The following PDE8B variants were observed in gnomAD, a reference collection of about 807,000 sequenced individuals.
The protein encoded by PDE8B is phosphodiesterase 8B, also known as high affinity cAMP-specific and IBMX-insensitive 3',5'-cyclic phosphodiesterase 8B.
A neutral mutation model predicts 101.3 loss-of-function variants in PDE8B; 26 were observed. The ratio of observed to expected loss-of-function variants is 0.26; its 90% CI spans 0.19 to 0.36. PDE8B has a LOEUF of 0.36. Ranked by LOEUF, PDE8B falls within the 10% of genes least tolerant of loss-of-function variation. PDE8B has a pLI of 1.00. For missense variants in PDE8B, 810 were observed against 1,163.1 expected, an observed-to-expected ratio of 0.70 and a Z score of 4.42; for synonymous variants, 424 against 429.3, an observed-to-expected ratio of 0.99 and a Z score of 0.15.
the PDE8B span, among the ~76,000 whole-genome samples, chr5:77,099,321 A>G: frequency 6.6e-6 from 1 of 152,236 alleles, no homozygotes; most frequent in East Asian, 1.9e-4. Flanking sequence ...GAAAAAGTAC[A>G]GACTAGAGCT....
the PDE8B span, among the ~76,000 whole-genome samples, chr5:77,102,012 T>C: frequency 2.0e-5 from 3 of 152,144 alleles, no homozygotes; most frequent in African/African-American, 7.2e-5. Flanking sequence ...AAAAGGTAAA[T>C]TTTATTTTAT....
chr5:77,282,703 C>T (rs531272534), intron 1 of PDE8B, among the ~76,000 whole-genome samples: 2 of 152,044 alleles, frequency 1.3e-5, no homozygotes, highest in African/African-American at 2.4e-5. Context: ...CCTCTTCTTC[C>T]GACAGCGAAT....
intron 1 of PDE8B, among the ~76,000 whole-genome samples, chr5:77,308,106 G>T (rs1462544457): frequency 1.3e-5 from 2 of 152,344 alleles, no homozygotes; most frequent in Admixed American, 6.5e-5. Context: ...TCTGCAAACT[G>T]CCGTCTGTGA....
At chr5:77,243,617 C>T (rs1756234046) in intron 1 of PDE8B, among the ~76,000 whole-genome samples, 1 of 151,802 alleles carries the variant, frequency 6.6e-6, no homozygotes, top group Non-Finnish European at 1.5e-5. Context: ...TCTTTTTTGC[C>T]TGAGTTCTTT....
At chr5:77,143,503 A>G in the PDE8B span, among the ~76,000 whole-genome samples, 2 of 152,224 alleles carry the variant, frequency 1.3e-5, no homozygotes, top group Non-Finnish European at 2.9e-5. Context: ...AATATCAGTC[A>G]TTAAAACATA....
At chr5:77,097,707 C>CTATATATATATAGA in the PDE8B span, among the ~76,000 whole-genome samples, 1 of 20,946 alleles carries the variant, frequency 4.8e-5, no homozygotes, top group African/African-American at 1.3e-4. Context: ...ATATATATAT[C>CTATATATATATAGA]TATATATATA....
At chr5:77,152,339 A>T in the PDE8B span, among the ~76,000 whole-genome samples, 1 of 152,198 alleles carries the variant, frequency 6.6e-6, no homozygotes, top group Non-Finnish European at 1.5e-5. Flanking sequence ...ATTTTTTATC[A>T]ACTGAAAATG....
At chr5:77,294,066 A>AT (rs1767976726) in intron 1 of PDE8B, among the ~76,000 whole-genome samples, 1 of 152,006 alleles carries the variant, frequency 6.6e-6, no homozygotes, top group Non-Finnish European at 1.5e-5. Flanking sequence ...CCAATTTACT[A>AT]TTTTTTTCTT....
At chr5:77,290,407 A>C (rs1580819720) in intron 1 of PDE8B, 1 of 1,399,524 alleles carries the variant, frequency 7.1e-7, no homozygotes, top group Non-Finnish European at 1.0e-6. Context: ...GCTAACAACT[A>C]GCCAATAGCA....
chr5:77,368,691 G>A (rs1784548973), intron 10 of PDE8B, among the ~76,000 whole-genome samples: 1 of 152,142 alleles, frequency 6.6e-6, no homozygotes, highest in Non-Finnish European at 1.5e-5. Flanking sequence ...AATACATTCA[G>A]ACTAAATTAG....
chr5:77,338,209 T>C (rs181580951), intron 6 of PDE8B, among the ~76,000 whole-genome samples: 132 of 152,340 alleles, frequency 8.7e-4, no homozygotes, highest in Non-Finnish European at 1.1e-3. Flanking sequence ...CATCCTATTA[T>C]AGTAATTATA....
At chr5:77,226,215 A>G (rs1414797999) in intron 1 of PDE8B, among the ~76,000 whole-genome samples, 2 of 147,830 alleles carry the variant, frequency 1.4e-5, no homozygotes, top group Admixed American at 6.7e-5. Context: ...ATTCAGAGAC[A>G]TTTAGATTTT....
At chr5:77,290,574 T>G in intron 1 of PDE8B, 1 of 1,500,836 alleles carries the variant, frequency 6.7e-7, no homozygotes, top group South Asian at 1.1e-5. Flanking sequence ...ACTAGGAAGC[T>G]TGGTGTCTTT....
chr5:77,260,492 T>C (rs2859576), intron 1 of PDE8B, among the ~76,000 whole-genome samples: 19,375 of 151,982 alleles, frequency 0.13, 1,601 homozygotes, highest in East Asian at 0.46. Context: ...AGCAAATATA[T>C]CCATAGACAT....
At chr5:77,187,843 G>A in the PDE8B span, among the ~76,000 whole-genome samples, 34 of 152,248 alleles carry the variant, frequency 2.2e-4, no homozygotes, top group Non-Finnish European at 4.4e-4. Context: ...TCTAGCATAC[G>A]TGGCCAGCCA....
In PDE8B at chr5:77,323,466, T is replaced by G. The variant is rs189824595; in HGVS notation, c.400-2073T>G. Among the ~76,000 whole-genome samples the G allele has an allele frequency of 3.9e-5, 6 of 152,350 alleles. No homozygotes were observed. In the East Asian group the frequency reaches 1.2e-3, roughly 29 times the overall value. Reference sequence around the variant, plus strand: ...TGGTTTGTTCTTTTTAAAAAATCTTTATCTTTCACAGATGCATATGGATGA... The same window carrying G: ...TGGTTTGTTCTTTTTAAAAAATCTTGATCTTTCACAGATGCATATGGATGA... On this transcript the variant is annotated intron_variant, in intron 2 of 21. Transcript: ENST00000264917.
the PDE8B span, among the ~76,000 whole-genome samples, chr5:77,152,914 C>A: frequency 6.6e-6 from 1 of 152,116 alleles, no homozygotes; most frequent in East Asian, 1.9e-4. Context: ...AGAAGGGAGC[C>A]TTTCCCAGTG....
intron 15 of PDE8B, 124 bp downstream of exon 15, chr5:77,411,845 A>G (rs886906512): frequency 9.9e-6 from 8 of 808,230 alleles, no homozygotes; most frequent in African/African-American, 6.9e-5. Context: ...AAGCATCAAT[A>G]TGGTCTACAT....
At chr5:77,301,282 C>T (rs1204040351) in intron 1 of PDE8B, among the ~76,000 whole-genome samples, 1 of 152,204 alleles carries the variant, frequency 6.6e-6, no homozygotes, top group Non-Finnish European at 1.5e-5. Flanking sequence ...AGGACAGAGG[C>T]AGCATGTATA....
Sources: gnomAD v4.1 joint callset for allele counts (sites outside exome capture counted in the v4.1 genomes callset) on GRCh38, gnomAD v4.1.1 for gene constraint, MANE v1.5 for transcripts, NCBI Gene and HGNC (gene_info 2026-07-23, HGNC 2026-07-21) for gene names.